SPAG16: variants seen among roughly 807,000 people sequenced by gnomAD.
SPAG16 encodes sperm-associated antigen 16 protein.
Under a neutral mutation model 80.4 loss-of-function variants are expected in SPAG16, and 86 were observed. That is an observed-to-expected ratio of 1.07 (90% confidence interval 0.90 to 1.28). The LOEUF is 1.28. Ranked by LOEUF, SPAG16 falls within the 50% of genes most tolerant of loss-of-function variation. SPAG16 has a pLI of 0.00. For synonymous variants in SPAG16, 294 were observed against 265.9 expected, an observed-to-expected ratio of 1.11 and a Z score of -1.03; for missense variants, 870 against 765.3, an observed-to-expected ratio of 1.14 and a Z score of -1.61.
chr2:213,904,298 C>A (rs1457191435), intron 11 of SPAG16, among the ~76,000 whole-genome samples: 1 of 152,100 alleles, frequency 6.6e-6, no homozygotes, highest in Non-Finnish European at 1.5e-5. Context: ...ATTGGACTTA[C>A]ATAGTTCCAC....
At chr2:214,212,605 T>C (rs1022919757) in intron 15 of SPAG16, among the ~76,000 whole-genome samples, 20 of 152,014 alleles carry the variant, frequency 1.3e-4, no homozygotes, top group East Asian at 1.9e-4. Flanking sequence ...CCCCCATTGA[T>C]TGGATAAAGT....
intron 10 of SPAG16, among the ~76,000 whole-genome samples, chr2:213,819,849 C>A (rs527960597): frequency 6.6e-6 from 1 of 151,854 alleles, no homozygotes; most frequent in Non-Finnish European, 1.5e-5. Flanking sequence ...CTCTGCCTCC[C>A]GGGTTCAAAC....
At chr2:213,358,852 A>G (rs890148871) in intron 7 of SPAG16, among the ~76,000 whole-genome samples, 1 of 151,948 alleles carries the variant, frequency 6.6e-6, no homozygotes, top group Non-Finnish European at 1.5e-5. Context: ...TGGTTTTTAG[A>G]ATTTTCCACT....
At chr2:213,999,245 T>C (rs899903691) in intron 12 of SPAG16, among the ~76,000 whole-genome samples, 4 of 152,158 alleles carry the variant, frequency 2.6e-5, no homozygotes, top group African/African-American at 9.7e-5. Context: ...ATCCCCATGT[T>C]GTATGCAGCC....
At chr2:214,136,571 C>G (rs746777392) in intron 14 of SPAG16, among the ~76,000 whole-genome samples, 41 of 152,262 alleles carry the variant, frequency 2.7e-4, no homozygotes, top group Middle Eastern at 3.4e-3. Flanking sequence ...TTGTTAATGC[C>G]TAACAGACTG....
At chr2:213,797,394 C>T (rs551729383) in intron 10 of SPAG16, among the ~76,000 whole-genome samples, 6 of 152,056 alleles carry the variant, frequency 3.9e-5, no homozygotes, top group African/African-American at 1.2e-4. Flanking sequence ...TTCATAGTGC[C>T]GAGAAAATGT....
chr2:213,735,650 T>C (rs980242574), intron 10 of SPAG16, among the ~76,000 whole-genome samples: 1 of 152,160 alleles, frequency 6.6e-6, no homozygotes, highest in Non-Finnish European at 1.5e-5. Context: ...TTTAGCCACG[T>C]TCCTCTCACC....
rs1397601059 is a variant in SPAG16 at position 213,976,226 on chromosome 2, ATATATACACGTGTGTATACATACGTG to A, written c.1401-37715_1401-37690del. On this transcript the variant is annotated intron_variant, in intron 12 of 15. Coordinates refer to ENST00000331683, the MANE Select transcript of SPAG16 (RefSeq NM_024532.5). ...TACACATACATATGTACGCATATAC[ATATATACACGTGTGTATACATACGTG>A]TATATACACACATATACATATGCGT... Among the ~76,000 whole-genome samples the A allele has an allele frequency of 8.0e-5, 12 of 150,868 alleles. No homozygotes were observed. The East Asian group carries it at 2.3e-3, about 29-fold the overall frequency.
At chr2:213,678,350 A>T (rs2064203822) in intron 10 of SPAG16, among the ~76,000 whole-genome samples, 1 of 152,218 alleles carries the variant, frequency 6.6e-6, no homozygotes, top group African/African-American at 2.4e-5. Flanking sequence ...TGAAAGGATC[A>T]ACAAAATAGA....
At chr2:213,516,979 G>C (rs922645651) in intron 10 of SPAG16, among the ~76,000 whole-genome samples, 9 of 151,778 alleles carry the variant, frequency 5.9e-5, no homozygotes, top group African/African-American at 1.9e-4. Context: ...AATCAAGTAA[G>C]AGAAAAAAAA....
chr2:213,515,923 T>G (rs1403739077), intron 10 of SPAG16, among the ~76,000 whole-genome samples: 2 of 152,186 alleles, frequency 1.3e-5, no homozygotes, highest in African/African-American at 4.8e-5. Context: ...TAGGAATTGC[T>G]CAATGATTCC....
intron 10 of SPAG16, among the ~76,000 whole-genome samples, chr2:213,666,890 T>A (rs1185132324): frequency 6.6e-6 from 1 of 152,270 alleles, no homozygotes; most frequent in East Asian, 1.9e-4. Flanking sequence ...ATTCTAAATA[T>A]TCTAAAATAT....
intron 15 of SPAG16, among the ~76,000 whole-genome samples, chr2:214,274,094 G>T (rs1319490529): frequency 2.6e-5 from 4 of 152,080 alleles, no homozygotes; most frequent in African/African-American, 9.7e-5. Context: ...TTGGCTCTCT[G>T]TTTGTCTGTT....
chr2:213,363,705 A>G (rs545281255), intron 7 of SPAG16, among the ~76,000 whole-genome samples: 5 of 152,220 alleles, frequency 3.3e-5, no homozygotes, highest in African/African-American at 9.6e-5. Flanking sequence ...ATTACCTTGT[A>G]TTTTATAAAT....
chr2:214,082,826 C>A (rs2051472982), intron 13 of SPAG16, among the ~76,000 whole-genome samples: 1 of 152,128 alleles, frequency 6.6e-6, no homozygotes. Context: ...ACTTCCTAGC[C>A]TCATAGTTCT....
intron 15 of SPAG16, among the ~76,000 whole-genome samples, chr2:214,186,037 C>CATAAA (rs10647748): frequency 0.87 from 131,730 of 151,640 alleles, 57,283 homozygotes; most frequent in African/African-American, 0.9. Flanking sequence ...CTGTACCAGG[C>CATAAA]ATAAAATAAT....
At chr2:213,759,435 G>A (rs1338662717) in intron 10 of SPAG16, among the ~76,000 whole-genome samples, 1 of 151,718 alleles carries the variant, frequency 6.6e-6, no homozygotes, top group Non-Finnish European at 1.5e-5. Flanking sequence ...ATACTTACAT[G>A]TTTATATTTT....
chr2:214,060,547 G>C (rs1304262030), intron 13 of SPAG16, among the ~76,000 whole-genome samples: 1 of 152,094 alleles, frequency 6.6e-6, no homozygotes, highest in African/African-American at 2.4e-5. Flanking sequence ...CTCTTGGAAT[G>C]GAATTAATAA....
At chr2:213,627,159 A>T (rs770840702) in intron 10 of SPAG16, among the ~76,000 whole-genome samples, 1 of 152,218 alleles carries the variant, frequency 6.6e-6, no homozygotes, top group Non-Finnish European at 1.5e-5. Context: ...TCAGTACAGT[A>T]TTATGAGACA....
Sources: allele counts gnomAD v4.1 joint callset (sites outside exome capture counted in the v4.1 genomes callset), GRCh38; gene constraint gnomAD v4.1.1; transcripts MANE v1.5; gene names NCBI Gene and HGNC (gene_info 2026-07-23, HGNC 2026-07-21).